The following AP2B1 variants were observed in gnomAD, a reference collection of about 807,000 sequenced individuals.
AP2B1 encodes the protein adaptor related protein complex 2 subunit beta 1.
Under a neutral mutation model 102.0 loss-of-function variants are expected in AP2B1, and 23 were observed. The ratio of observed to expected loss-of-function variants is 0.23; its 90% CI spans 0.16 to 0.32. AP2B1 has a LOEUF of 0.32. Ranked by LOEUF, AP2B1 falls within the 10% of genes least tolerant of loss-of-function variation. AP2B1 has a pLI of 1.00. For synonymous variants in AP2B1, 381 were observed against 421.2 expected (o/e 0.90, Z 1.17); for missense variants, 541 against 1,157.4 (o/e 0.47, Z 7.73).
In AP2B1 at chr17:35,710,223, T is replaced by C. The variant is rs782569525; in HGVS notation, c.2540-11T>C. On this transcript the variant is annotated splice_polypyrimidine_tract_variant and intron_variant, in intron 19 of 21. Coordinates refer to ENST00000610402, the MANE Select transcript of AP2B1 (RefSeq NM_001030006.2). The stretch of plus-strand genomic sequence containing the variant: ...TGCACATCCATCCTTCCCCTCTGCT[T>C]TCCCATACAGAGCGCCAGGTCTTCC... 2 of 1,601,608 alleles carry C rather than the reference T, an allele frequency of 1.2e-6. No individual in the cohort carries two copies. The highest frequency in any genetic ancestry group is 1.7e-6 in the Non-Finnish European group (2 of 1,168,804).
intron 18 of AP2B1, among the ~76,000 whole-genome samples, chr17:35,691,397 C>T (rs1298795305): frequency 1.3e-5 from 2 of 152,186 alleles, no homozygotes; most frequent in Non-Finnish European, 2.9e-5. Flanking sequence ...ACAGCTATAG[C>T]TATTGTACCA....
Position 35,670,854 on chromosome 17 carries a change from C to G in AP2B1, c.1990-3C>G. 1 of 1,613,950 alleles carries G rather than the reference C, an allele frequency of 6.2e-7. No individual in the cohort carries two copies. The highest frequency in any genetic ancestry group is 8.5e-7 in the Non-Finnish European group (1 of 1,179,952). ...TCTCCTCTCTCTCCTTTCTCTCTTTCAGCTTGGCAGTGACCTTGGCGGGGG... is the reference window on the plus strand; with the variant it reads ...TCTCCTCTCTCTCCTTTCTCTCTTTGAGCTTGGCAGTGACCTTGGCGGGGG... On this transcript the variant is annotated splice_polypyrimidine_tract_variant and splice_region_variant and intron_variant, in intron 14 of 21. Coordinates refer to ENST00000610402, the MANE Select transcript of AP2B1 (RefSeq NM_001030006.2).
chr17:35,719,991 A>G (rs1367782137), intron 21 of AP2B1, among the ~76,000 whole-genome samples: 13 of 152,210 alleles, frequency 8.5e-5, no homozygotes, highest in Non-Finnish European at 7.3e-5. Context: ...TGCCCAGGCC[A>G]TCAAAGGTAT....
At chr17:35,616,875 T>C (rs1030980982) in intron 5 of AP2B1, among the ~76,000 whole-genome samples, 1 of 152,228 alleles carries the variant, frequency 6.6e-6, no homozygotes, top group African/African-American at 2.4e-5. Flanking sequence ...GTTTGTATCC[T>C]GGTTCTGCTA....
At chr17:35,632,620 A>G (rs550023474) in intron 9 of AP2B1, among the ~76,000 whole-genome samples, 1 of 149,144 alleles carries the variant, frequency 6.7e-6, no homozygotes, top group East Asian at 2.0e-4. Flanking sequence ...CAATGATGGG[A>G]TGTTTACTTC....
chr17:35,636,255 C>T, intron 9 of AP2B1, 86 bp from the exon 10 acceptor site: 1 of 838,966 alleles, frequency 1.2e-6, no homozygotes, highest in East Asian at 2.7e-5. Flanking sequence ...TTAGTTGATG[C>T]ACCTGCATGT....
chr17:35,660,872 T>C (rs1016150380), intron 14 of AP2B1, among the ~76,000 whole-genome samples: 21 of 152,210 alleles, frequency 1.4e-4, no homozygotes, highest in Non-Finnish European at 2.2e-4. Context: ...AGAAACTTAT[T>C]AAATTATTTT....
At chr17:35,621,524 C>T (rs886925624) in intron 5 of AP2B1, among the ~76,000 whole-genome samples, 7 of 152,182 alleles carry the variant, frequency 4.6e-5, no homozygotes, top group Admixed American at 3.3e-4. Flanking sequence ...GGACGGTCAC[C>T]ATTTGGCAGT....
chr17:35,622,718 G>T (rs1201650374), intron 5 of AP2B1, among the ~76,000 whole-genome samples: 1 of 152,154 alleles, frequency 6.6e-6, no homozygotes, highest in Non-Finnish European at 1.5e-5. Context: ...AAGCTGGAGT[G>T]CAGTGGCGTG....
chr17:35,608,670 G>A (rs986543901), intron 5 of AP2B1, among the ~76,000 whole-genome samples: 9 of 152,162 alleles, frequency 5.9e-5, no homozygotes, highest in Non-Finnish European at 1.2e-4. Context: ...TCTTCAGGAG[G>A]TTTGGCCGTA....
Position 35,596,903 on chromosome 17 carries a change from A to C in AP2B1, c.38-1327A>C, listed in dbSNP as rs1280808365. 9.9e-6 allele frequency: 7 copies of C among 705,416 alleles called. No homozygotes were observed. The African/African-American group carries it at 1.2e-4, about 12-fold the overall frequency. 43.7% of individuals were successfully genotyped at this position (705,416 alleles called of 1,614,324 possible). On this transcript the variant is annotated intron_variant, in intron 2 of 21. Coordinates refer to ENST00000610402, the MANE Select transcript of AP2B1 (RefSeq NM_001030006.2). ...TGCTTCGTGATCCATGTCACTCTGC[A>C]TGAAGGAGATAACCCCGATGCCCTA...
chr17:35,598,221 C>T lies in AP2B1; in HGVS notation c.38-9C>T. 2 of 1,597,372 alleles carry T rather than the reference C, an allele frequency of 1.3e-6. No individual in the cohort carries two copies. The highest frequency in any genetic ancestry group is 1.7e-6 in the Non-Finnish European group (2 of 1,165,942). On this transcript the variant is annotated splice_polypyrimidine_tract_variant and intron_variant, in intron 2 of 21. Transcript: ENST00000610402. ...TGGAACCTTACCAGTTTGCTCTCAT[C>T]TCTTGCAGGAGAAATATTTGAACTA...
At chr17:35,650,294 C>T (rs1303767376) in intron 12 of AP2B1, among the ~76,000 whole-genome samples, 1 of 151,554 alleles carries the variant, frequency 6.6e-6, no homozygotes, top group Non-Finnish European at 1.5e-5. Flanking sequence ...AAGGTTTTGC[C>T]ACGTTGCCCA....
chr17:35,636,855 T>C (rs912524216), intron 10 of AP2B1, among the ~76,000 whole-genome samples: 15 of 152,226 alleles, frequency 9.9e-5, no homozygotes, highest in African/African-American at 2.9e-4. Context: ...TTGGATGATA[T>C]ATCGTATAGC....
intron 21 of AP2B1, among the ~76,000 whole-genome samples, chr17:35,721,652 C>T (rs2085397256): frequency 6.6e-6 from 1 of 152,154 alleles, no homozygotes; most frequent in African/African-American, 2.4e-5. Context: ...CAATGCCAGC[C>T]TTGGCAGTTT....
At chr17:35,707,223 G>A (rs587644403) in intron 18 of AP2B1, among the ~76,000 whole-genome samples, 218 of 151,102 alleles carry the variant, frequency 1.4e-3, no homozygotes, top group African/African-American at 4.9e-3. Flanking sequence ...ACACGATTTC[G>A]GCTCACTGCA....
intron 5 of AP2B1, among the ~76,000 whole-genome samples, chr17:35,613,148 C>T (rs1190399874): frequency 6.6e-6 from 1 of 151,058 alleles, no homozygotes; most frequent in Non-Finnish European, 1.5e-5. Flanking sequence ...TGCACCAGCA[C>T]ATATTAGATT....
At chr17:35,703,189 T>C (rs933283434) in intron 18 of AP2B1, among the ~76,000 whole-genome samples, 5 of 132,984 alleles carry the variant, frequency 3.8e-5, no homozygotes, top group Admixed American at 9.2e-5. Flanking sequence ...GGCGTGAACC[T>C]GGGAGGCGGA....
At chr17:35,668,047 C>T (rs1259840637) in intron 14 of AP2B1, among the ~76,000 whole-genome samples, 2 of 150,036 alleles carry the variant, frequency 1.3e-5, no homozygotes, top group Non-Finnish European at 2.9e-5. Context: ...AAGCAATTCT[C>T]CTGTATCAGC....
Sources: gnomAD v4.1 joint callset for allele counts (sites outside exome capture counted in the v4.1 genomes callset) on GRCh38, gnomAD v4.1.1 for gene constraint, MANE v1.5 for transcripts, NCBI Gene and HGNC (gene_info 2026-07-23, HGNC 2026-07-21) for gene names.